Variants in BEND7 observed in about 807,000 individuals in gnomAD.
The protein encoded by BEND7 is BEN domain containing 7, also known as BEN domain-containing protein 7.
In BEND7, 28 loss-of-function variants were observed where a neutral mutation model predicts 50.9. That is an observed-to-expected ratio of 0.55 (90% CI 0.41 to 0.75). The LOEUF (loss-of-function observed/expected upper bound fraction) is 0.75, where lower values mean the gene tolerates loss of function less well. Among genes scored for constraint, BEND7 ranks in the 30% least tolerant of loss-of-function variants. BEND7 has a pLI of 0.00. For synonymous variants in BEND7, 170 were observed against 183.9 expected (o/e 0.92, Z 0.61); for missense variants, 477 against 491.3 (o/e 0.97, Z 0.28).
intron 5 of BEND7, among the ~76,000 whole-genome samples, chr10:13,485,916 C>T (rs538213539): frequency 1.3e-5 from 2 of 152,236 alleles, no homozygotes; most frequent in African/African-American, 4.8e-5. Context: ...GGATCTCAAC[C>T]TGGTGCCCAA....
chr10:13,523,076 C>T (rs899866167), intron 2 of BEND7, among the ~76,000 whole-genome samples: 1 of 152,238 alleles, frequency 6.6e-6, no homozygotes, highest in Admixed American at 6.5e-5. Flanking sequence ...AACAAGGTCC[C>T]TGTCCTATCC....
chr10:13,523,276 T>C (rs2079201774), intron 2 of BEND7, among the ~76,000 whole-genome samples: 1 of 152,246 alleles, frequency 6.6e-6, no homozygotes, highest in South Asian at 2.1e-4. Context: ...TAACGTCTTC[T>C]GACCCTATTA....
chr10:13,514,626 C>T (rs796291000), intron 2 of BEND7, among the ~76,000 whole-genome samples: 16 of 152,244 alleles, frequency 1.1e-4, no homozygotes, highest in African/African-American at 2.9e-4. Flanking sequence ...TACCGTGTGC[C>T]GGCACCAGGA....
At chr10:13,470,368 T>C (rs924956794) in intron 6 of BEND7, among the ~76,000 whole-genome samples, 1 of 152,204 alleles carries the variant, frequency 6.6e-6, no homozygotes, top group Non-Finnish European at 1.5e-5. Flanking sequence ...CATTCTACTG[T>C]AGTGGCCCTG....
intron 6 of BEND7, 61 bp from the exon 7 acceptor site, chr10:13,452,719 CAG>C: frequency 6.9e-7 from 1 of 1,442,560 alleles, no homozygotes. Flanking sequence ...AGATCTGAAA[CAG>C]AAATATATTC....
intron 6 of BEND7, among the ~76,000 whole-genome samples, chr10:13,453,661 A>G (rs1323773627): frequency 3.3e-5 from 5 of 152,216 alleles, no homozygotes; most frequent in Non-Finnish European, 5.9e-5. Context: ...GTCCCCATAG[A>G]TAAATGGGCA....
At chr10:13,480,610 T>A (rs2075787617) in intron 6 of BEND7, 2 of 980,488 alleles carry the variant, frequency 2.0e-6, no homozygotes, top group Non-Finnish European at 2.4e-6. Context: ...AAATTACAAA[T>A]TACCTGCATT....
chr10:13,463,426 C>T (rs567142279), intron 6 of BEND7, among the ~76,000 whole-genome samples: 10 of 152,052 alleles, frequency 6.6e-5, no homozygotes, highest in African/African-American at 9.6e-5. Context: ...GGCTCAAAGA[C>T]GAAGGTAGAT....
At chr10:13,498,225 G>A (rs1025683890) in intron 3 of BEND7, among the ~76,000 whole-genome samples, 6 of 151,792 alleles carry the variant, frequency 4.0e-5, no homozygotes, top group Admixed American at 2.0e-4. Context: ...ACATGCATGC[G>A]CTACCACGCC....
chr10:13,446,799 C>A, intron 8 of BEND7: 1 of 184,614 alleles, frequency 5.4e-6, no homozygotes, highest in Non-Finnish European at 1.1e-5. Flanking sequence ...GATGGCTGGC[C>A]TTGTTCAAAT....
At chr10:13,515,813 G>C (rs1428910566) in intron 2 of BEND7, among the ~76,000 whole-genome samples, 1 of 152,212 alleles carries the variant, frequency 6.6e-6, no homozygotes, top group Admixed American at 6.5e-5. Context: ...ATTGCCTTCA[G>C]GATGACTGAT....
rs1479542572 is a variant in BEND7 at position 13,441,428 on chromosome 10, G to A, written c.*315C>T. 5.0e-6 allele frequency: 6 copies of A among 1,210,282 alleles called. No homozygotes were observed. Among genetic ancestry groups the A allele is most frequent in the Non-Finnish European group, 6.2e-6 (6 of 972,790 alleles). 75.0% of individuals were successfully genotyped at this position (1,210,282 alleles called of 1,614,324 possible). ...TGCAGTTTTGATACGTATTTCCAGTGTGTAGATCCGTTCATCGCACACATC... is the reference window on the plus strand; with the variant it reads ...TGCAGTTTTGATACGTATTTCCAGTATGTAGATCCGTTCATCGCACACATC... On this transcript the variant is annotated 3_prime_UTR_variant, in exon 9 of 9. Coordinates refer to ENST00000466271, the MANE Select transcript of BEND7 (RefSeq NM_001369863.1).
At chr10:13,483,146 G>C (rs935114829) in intron 5 of BEND7, among the ~76,000 whole-genome samples, 3 of 152,234 alleles carry the variant, frequency 2.0e-5, no homozygotes, top group East Asian at 3.9e-4. Flanking sequence ...TGGCAAGAGA[G>C]GAAGGGGAAG....
intron 2 of BEND7, 42 bp from the exon 3 acceptor site, chr10:13,500,122 AAG>A (rs754587617): frequency 9.7e-6 from 14 of 1,441,058 alleles, no homozygotes; most frequent in African/African-American, 1.4e-5. Flanking sequence ...AAATTAGTGA[AAG>A]AGAAAACAGT....
chr10:13,439,247 C>T, downstream of BEND7: 1 of 1,614,192 alleles, frequency 6.2e-7, no homozygotes, highest in Non-Finnish European at 8.5e-7. Context: ...GAATCCCTCT[C>T]TGATGATGAA....
intron 1 of BEND7, 34 bp downstream of exon 1, chr10:13,528,439 G>T: frequency 6.2e-5 from 61 of 988,504 alleles, no homozygotes; most frequent in Non-Finnish European, 7.3e-5. Flanking sequence ...CGCGGCGCCC[G>T]CTGCCTGCCC....
At chr10:13,448,565 T>A (rs1836948558) in intron 7 of BEND7, among the ~76,000 whole-genome samples, 1 of 152,138 alleles carries the variant, frequency 6.6e-6, no homozygotes, top group South Asian at 2.1e-4. Flanking sequence ...GTCTCCTTCA[T>A]CCTCCAACAT....
chr10:13,477,953 A>T (rs1267079517), intron 6 of BEND7, among the ~76,000 whole-genome samples: 3 of 152,120 alleles, frequency 2.0e-5, no homozygotes, highest in African/African-American at 7.2e-5. Flanking sequence ...AGTCAAGTCT[A>T]TGAAATAAAC....
At chr10:13,521,280 G>A (rs1410747394) in intron 2 of BEND7, among the ~76,000 whole-genome samples, 1 of 152,172 alleles carries the variant, frequency 6.6e-6, no homozygotes, top group Non-Finnish European at 1.5e-5. Context: ...ACCCTGGCTT[G>A]CATCCTGGCT....
Sources: allele counts gnomAD v4.1 joint callset (sites outside exome capture counted in the v4.1 genomes callset), GRCh38; gene constraint gnomAD v4.1.1; transcripts MANE v1.5; gene names NCBI Gene and HGNC (gene_info 2026-07-23, HGNC 2026-07-21).